The following RBFOX1 variants were observed in gnomAD, a reference collection of about 807,000 sequenced individuals.
RBFOX1 encodes RNA binding fox-1 homolog 1.
In RBFOX1, 8 loss-of-function variants were observed where a neutral mutation model predicts 57.7. The ratio of observed to expected loss-of-function variants is 0.14; its 90% CI spans 0.08 to 0.25. RBFOX1 has a LOEUF of 0.25. Ranked by LOEUF, RBFOX1 falls within the 10% of genes least tolerant of loss-of-function variation. The pLI is 1.00. For missense variants in RBFOX1, 611 were observed against 548.5 expected (o/e 1.11, Z -1.14); for synonymous variants, 326 against 222.4 (o/e 1.47, Z -4.15).
At chr16:7,517,211 A>G (rs1326538521) in intron 4 of RBFOX1, among the ~76,000 whole-genome samples, 1 of 145,478 alleles carries the variant, frequency 6.9e-6, no homozygotes, top group Non-Finnish European at 1.5e-5. Context: ...GTGGAGGAGG[A>G]GGTAAAGAGA....
intron 3 of RBFOX1, among the ~76,000 whole-genome samples, chr16:5,757,069 C>T (rs1313774141): frequency 6.6e-6 from 1 of 152,128 alleles, no homozygotes; most frequent in African/African-American, 2.4e-5. Context: ...GTATTGCATT[C>T]TTCAGATTCA....
At chr16:6,335,814 A>AAAGAAAAGAC (rs1276393376) in intron 2 of RBFOX1, among the ~76,000 whole-genome samples, 1 of 150,770 alleles carries the variant, frequency 6.6e-6, no homozygotes, top group African/African-American at 2.4e-5. Context: ...AAAGAAAAGA[A>AAAGAAAAGAC]AAGAAAAAAT....
intron 4 of RBFOX1, among the ~76,000 whole-genome samples, chr16:5,883,915 A>T (rs186492326): frequency 5.3e-5 from 8 of 152,320 alleles, no homozygotes; most frequent in African/African-American, 1.9e-4. Flanking sequence ...ACAACACATT[A>T]TCTTGTTGAT....
chr16:6,139,419 C>A (rs1266554004), intron 1 of RBFOX1, among the ~76,000 whole-genome samples: 1 of 152,156 alleles, frequency 6.6e-6, no homozygotes, highest in Non-Finnish European at 1.5e-5. Flanking sequence ...TTCCAGGAGA[C>A]TTTTGACCAC....
chr16:6,955,745 C>T (rs2081673309), intron 3 of RBFOX1, among the ~76,000 whole-genome samples: 1 of 150,196 alleles, frequency 6.7e-6, no homozygotes, highest in African/African-American at 2.5e-5. Context: ...CTCTTGTTCC[C>T]CAAGCTGGAG....
chr16:6,697,352 C>T (rs989656518), intron 3 of RBFOX1, among the ~76,000 whole-genome samples: 1 of 152,084 alleles, frequency 6.6e-6, no homozygotes, highest in Non-Finnish European at 1.5e-5. Flanking sequence ...AGTATTCCAC[C>T]AGCCAGGGAT....
At chr16:6,184,932 AG>A (rs759668430) in intron 1 of RBFOX1, among the ~76,000 whole-genome samples, 28 of 152,282 alleles carry the variant, frequency 1.8e-4, no homozygotes, top group Non-Finnish European at 3.8e-4. Flanking sequence ...GGATTGCAAG[AG>A]AAGCAGCTGT....
chr16:5,325,629 C>T (rs8064218), intron 1 of RBFOX1, among the ~76,000 whole-genome samples: 150,259 of 152,294 alleles, frequency 0.99, 74,159 homozygotes, highest in Middle Eastern at 1. Flanking sequence ...CTCATCTGTT[C>T]TTTGTCCCTA....
At chr16:6,194,431 C>T (rs759358151) in intron 1 of RBFOX1, among the ~76,000 whole-genome samples, 3 of 152,270 alleles carry the variant, frequency 2.0e-5, no homozygotes, top group Admixed American at 1.3e-4. Context: ...AGCTTAGTAA[C>T]GTGACTTGTT....
intron 1 of RBFOX1, among the ~76,000 whole-genome samples, chr16:6,129,651 C>T (rs1398496504): frequency 3.3e-5 from 5 of 149,302 alleles, no homozygotes; most frequent in African/African-American, 1.2e-4. Flanking sequence ...TGAAAAACAT[C>T]CATTTACAGG....
At chr16:7,506,412 G>T (rs544767241) in intron 4 of RBFOX1, among the ~76,000 whole-genome samples, 1 of 151,992 alleles carries the variant, frequency 6.6e-6, no homozygotes, top group Non-Finnish European at 1.5e-5. Context: ...AAAAATATGC[G>T]GTGTGTTGGA....
At chr16:5,961,245 G>C (rs2059742123) in intron 4 of RBFOX1, among the ~76,000 whole-genome samples, 2 of 151,960 alleles carry the variant, frequency 1.3e-5, no homozygotes, top group South Asian at 4.1e-4. Context: ...AGAGCATGCT[G>C]AACATTTTAC....
chr16:5,952,897 TA>T (rs1377277265), intron 4 of RBFOX1, among the ~76,000 whole-genome samples: 1 of 152,196 alleles, frequency 6.6e-6, no homozygotes, highest in Non-Finnish European at 1.5e-5. Context: ...TATGTTTCAT[TA>T]GGTTTGTGCT....
chr16:6,123,542 A>T (rs4786821), intron 1 of RBFOX1, among the ~76,000 whole-genome samples: 50,093 of 152,148 alleles, frequency 0.33, 9,487 homozygotes, highest in Non-Finnish European at 0.44. Flanking sequence ...TCAGAGTCTC[A>T]GTATGGGAAG....
intron 1 of RBFOX1, among the ~76,000 whole-genome samples, chr16:5,347,669 C>A (rs746479027): frequency 1.8e-4 from 27 of 150,596 alleles, no homozygotes; most frequent in Non-Finnish European, 3.1e-4. Flanking sequence ...TCCACCCACC[C>A]TTTCACTCAA....
chr16:6,279,951 C>T (rs1037227062), intron 1 of RBFOX1, among the ~76,000 whole-genome samples: 4 of 150,390 alleles, frequency 2.7e-5, no homozygotes, highest in African/African-American at 7.4e-5. Context: ...AATTTGCAGA[C>T]GATATTAAAT....
intron 4 of RBFOX1, among the ~76,000 whole-genome samples, chr16:7,256,110 G>A (rs2094669678): frequency 6.6e-6 from 1 of 152,204 alleles, no homozygotes; most frequent in Admixed American, 6.5e-5. Context: ...AGGGAGTGGT[G>A]AGCTTCTAAA....
At chr16:6,232,053 A>T (rs774378857) in intron 1 of RBFOX1, among the ~76,000 whole-genome samples, 3 of 152,202 alleles carry the variant, frequency 2.0e-5, no homozygotes, top group Non-Finnish European at 4.4e-5. Context: ...CCTGAAATTC[A>T]TAATTTGCCC....
chr16:5,359,234 C>T (rs1047060569), intron 1 of RBFOX1, among the ~76,000 whole-genome samples: 8 of 152,142 alleles, frequency 5.3e-5, no homozygotes, highest in African/African-American at 1.7e-4. Flanking sequence ...AGTTAGGTTG[C>T]TTTCAAATTT....
Sources: gnomAD v4.1 joint callset for allele counts (sites outside exome capture counted in the v4.1 genomes callset) on GRCh38, gnomAD v4.1.1 for gene constraint, MANE v1.5 for transcripts, NCBI Gene and HGNC (gene_info 2026-07-23, HGNC 2026-07-21) for gene names.